Variants in KALRN observed in about 807,000 individuals in gnomAD.
KALRN encodes the protein kalirin.
Under a neutral mutation model 353.7 loss-of-function variants are expected in KALRN, and 70 were observed. The ratio of observed to expected loss-of-function variants is 0.20; its 90% confidence interval spans 0.16 to 0.24. The LOEUF (loss-of-function observed/expected upper bound fraction) is 0.24, where lower values mean the gene tolerates loss of function less well. KALRN is among the 10% of genes least tolerant of loss of function. The pLI is 1.00. For synonymous variants in KALRN, 1,391 were observed against 1,434.8 expected (o/e 0.97, Z 0.69); for missense variants, 2,791 against 3,756.7 (o/e 0.74, Z 6.72).
At chr3:124,175,707 G>C (rs2072629128) in intron 1 of KALRN, among the ~76,000 whole-genome samples, 5 of 152,056 alleles carry the variant, frequency 3.3e-5, no homozygotes. Context: ...GTCCAGGCCT[G>C]CTCTCCAGGA....
At chr3:124,626,413 A>G (rs2079961574) in intron 34 of KALRN, among the ~76,000 whole-genome samples, 1 of 152,234 alleles carries the variant, frequency 6.6e-6, no homozygotes, top group Admixed American at 6.5e-5. Context: ...TGTTTACACT[A>G]TATCTAGGTG....
intron 9 of KALRN, among the ~76,000 whole-genome samples, chr3:124,335,053 C>G (rs1259733018): frequency 6.6e-6 from 1 of 152,150 alleles, no homozygotes; most frequent in Non-Finnish European, 1.5e-5. Flanking sequence ...CCTCGGCCTC[C>G]CAAAGTGTCA....
intron 6 of KALRN, among the ~76,000 whole-genome samples, chr3:124,315,365 C>T (rs1394436021): frequency 1.3e-5 from 2 of 152,184 alleles, no homozygotes; most frequent in African/African-American, 4.8e-5. Context: ...GCACACATGG[C>T]CTGGGTCCCT....
intron 1 of KALRN, among the ~76,000 whole-genome samples, chr3:124,197,506 T>C (rs1449764027): frequency 6.6e-6 from 1 of 152,220 alleles, no homozygotes; most frequent in Non-Finnish European, 1.5e-5. Context: ...CTTGCCTTCA[T>C]CCTCAGCCTT....
chr3:124,500,507 T>C (rs2064392447), intron 33 of KALRN, among the ~76,000 whole-genome samples: 2 of 152,218 alleles, frequency 1.3e-5, no homozygotes, highest in African/African-American at 2.4e-5. Flanking sequence ...CTTTTCTCTA[T>C]AGCAGAGAAG....
At chr3:124,325,058 G>A (rs964564912) in intron 6 of KALRN, among the ~76,000 whole-genome samples, 1 of 152,166 alleles carries the variant, frequency 6.6e-6, no homozygotes, top group Non-Finnish European at 1.5e-5. Context: ...AATCACTACT[G>A]TCTTATGTTT....
chr3:124,413,130 G>A (rs2092293740), intron 13 of KALRN, among the ~76,000 whole-genome samples: 1 of 152,086 alleles, frequency 6.6e-6, no homozygotes, highest in Non-Finnish European at 1.5e-5. Flanking sequence ...CCTAGAATAT[G>A]GACCTGGAGA....
Position 124,722,274 on chromosome 3 carries a change from C to G in KALRN, c.*2804C>G, listed in dbSNP as rs1377309014. On this transcript the variant is annotated 3_prime_UTR_variant, in exon 60 of 60. Coordinates refer to ENST00000682506, the MANE Select transcript of KALRN (RefSeq NM_001388419.1). Reference sequence around the variant, plus strand: ...CAAGCTTTCATATCAGCTTTTACAACAGAGTTGGGAGGATCCAGATGTGGG... The same window carrying G: ...CAAGCTTTCATATCAGCTTTTACAAGAGAGTTGGGAGGATCCAGATGTGGG... 1 of 152,086 alleles carries G rather than the reference C, an allele frequency of 6.6e-6. No individual in the cohort carries two copies. The highest frequency in any genetic ancestry group is 1.5e-5 in the Non-Finnish European group (1 of 68,024). 9.4% of individuals were successfully genotyped at this position (152,086 alleles called of 1,614,324 possible). A position where few individuals can be genotyped will look rare whatever the true frequency, so the allele number is the denominator to read the frequency against.
intron 1 of KALRN, among the ~76,000 whole-genome samples, chr3:124,121,163 A>C (rs2063990685): frequency 6.6e-6 from 1 of 151,818 alleles, no homozygotes; most frequent in Non-Finnish European, 1.5e-5. Flanking sequence ...TTATTTTGTA[A>C]AATGAAGAGT....
chr3:124,234,393 C>T (rs531195062), intron 2 of KALRN, among the ~76,000 whole-genome samples: 7 of 152,320 alleles, frequency 4.6e-5, no homozygotes, highest in African/African-American at 1.7e-4. Context: ...AGCACTCCCA[C>T]CTCACAGAGG....
At chr3:124,182,083 G>A (rs1040055288) in intron 1 of KALRN, among the ~76,000 whole-genome samples, 1 of 152,198 alleles carries the variant, frequency 6.6e-6, no homozygotes, top group Non-Finnish European at 1.5e-5. Flanking sequence ...ATACAAACGT[G>A]GATGCTGGAA....
chr3:124,469,500 C>T (rs937281780), intron 25 of KALRN, among the ~76,000 whole-genome samples: 3 of 152,178 alleles, frequency 2.0e-5, no homozygotes, highest in African/African-American at 7.2e-5. Context: ...TGGTCTAGAG[C>T]CTCTTATGTT....
chr3:124,219,783 C>T lies in KALRN; in HGVS notation c.74-8207C>T, dbSNP rs112711445. The stretch of plus-strand genomic sequence containing the variant: ...AGACTGTGGGGGGTTGGCCCCACTG[C>T]GCACAGGTAGATTTTCAGGTTGGGG... On this transcript the variant is annotated intron_variant, in intron 1 of 59. Transcript: ENST00000682506. Among the ~76,000 whole-genome samples, 405 of 152,192 alleles carry T rather than the reference C, an allele frequency of 2.7e-3. 2 individuals are homozygous for T. The highest frequency in any genetic ancestry group is 0.015 in the South Asian group (72 of 4,800).
At chr3:124,532,303 A>G (rs1343838161) in intron 33 of KALRN, among the ~76,000 whole-genome samples, 1 of 152,250 alleles carries the variant, frequency 6.6e-6, no homozygotes, top group Non-Finnish European at 1.5e-5. Flanking sequence ...TAGTTACTCC[A>G]TTATTACGTA....
chr3:124,565,181 T>C (rs1003701544), intron 34 of KALRN, among the ~76,000 whole-genome samples: 1 of 152,230 alleles, frequency 6.6e-6, no homozygotes, highest in Non-Finnish European at 1.5e-5. Flanking sequence ...CCAGGGTTTT[T>C]TCCACCAGGA....
chr3:124,118,061 C>T (rs950956180), intron 1 of KALRN, among the ~76,000 whole-genome samples: 1 of 152,198 alleles, frequency 6.6e-6, no homozygotes, highest in Non-Finnish European at 1.5e-5. Context: ...CATCTTGCCT[C>T]CTCTTAGGGA....
intron 1 of KALRN, among the ~76,000 whole-genome samples, chr3:124,066,526 T>C (rs939602474): frequency 6.6e-6 from 1 of 151,834 alleles, no homozygotes; most frequent in African/African-American, 2.4e-5. Flanking sequence ...TTTGAAGGAG[T>C]GAGGGAAGCG....
At chr3:124,682,530 G>T (rs2061387822) in intron 51 of KALRN, among the ~76,000 whole-genome samples, 1 of 152,182 alleles carries the variant, frequency 6.6e-6, no homozygotes, top group African/African-American at 2.4e-5. Flanking sequence ...AGCCCTAGCT[G>T]TGCATAGGCT....
chr3:124,619,482 CTTTTTTTTTTT>C (rs59009780), intron 34 of KALRN, among the ~76,000 whole-genome samples: 6 of 104,660 alleles, frequency 5.7e-5, no homozygotes, highest in African/African-American at 2.2e-4. Flanking sequence ...TATTTTCCTT[CTTTTTTTTTTT>C]TTTTTTTTTT....
Sources: allele counts gnomAD v4.1 joint callset (sites outside exome capture counted in the v4.1 genomes callset), GRCh38; gene constraint gnomAD v4.1.1; transcripts MANE v1.5; gene names NCBI Gene and HGNC (gene_info 2026-07-23, HGNC 2026-07-21).